Variants in FRYL observed in about 807,000 individuals in gnomAD.
FRYL encodes the protein FRY like transcription coactivator.
In FRYL, 150 loss-of-function variants were observed where a neutral mutation model predicts 351.2. The observed-to-expected ratio is 0.43, with a 90% CI of 0.37 to 0.49. The LOEUF (loss-of-function observed/expected upper bound fraction) is 0.49. Ranked by LOEUF, FRYL falls within the 20% of genes least tolerant of loss-of-function variation. The probability of loss-of-function intolerance (pLI) is 0.00; values close to 1 mark genes in which losing one functional copy is unlikely to be tolerated. For missense variants in FRYL, 3,036 were observed against 3,619.3 expected (o/e 0.84, Z 4.13); for synonymous variants, 1,153 against 1,257.1 (o/e 0.92, Z 1.75).
At position 48,508,496 on chromosome 4, in the gene FRYL, A is replaced by ATATT. The variant is rs576455072; in HGVS notation, c.8394+1559_8394+1562dup. On this transcript the variant is annotated intron_variant, in intron 59 of 63. Transcript: ENST00000358350. ...AGACAGATTTATTTGTAGGTATTTG[A>ATATT]TATTTTCCTATTATAAATGGTATCT... 7.2e-5 allele frequency among the ~76,000 whole-genome samples: 11 copies of ATATT among 152,282 alleles called. No homozygotes were observed. In the East Asian group the frequency reaches 2.1e-3, roughly 29 times the overall value.
chr4:48,723,940 A>AAATAAT (rs35636867), intron 1 of FRYL, among the ~76,000 whole-genome samples: 1,405 of 140,338 alleles, frequency 0.01, 7 homozygotes, highest in South Asian at 0.038. Context: ...AAAATAAATA[A>AAATAAT]AATAATAATA....
At chr4:48,632,507 C>T (rs1175604309) in intron 4 of FRYL, among the ~76,000 whole-genome samples, 1 of 150,406 alleles carries the variant, frequency 6.6e-6, no homozygotes, top group East Asian at 1.9e-4. Context: ...ATGCTATAGG[C>T]TTTTGTAATC....
chr4:48,670,818 G>A (rs1762530721), intron 3 of FRYL, among the ~76,000 whole-genome samples: 1 of 152,138 alleles, frequency 6.6e-6, no homozygotes, highest in Non-Finnish European at 1.5e-5. Flanking sequence ...CTGTGTGTAT[G>A]TACCACATTT....
chr4:48,556,221 T>C (rs1734094452), intron 35 of FRYL, among the ~76,000 whole-genome samples: 2 of 152,322 alleles, frequency 1.3e-5, no homozygotes. Context: ...TAACATTCTG[T>C]AGGACTAGTC....
chr4:48,677,514 G>A (rs1359393497), intron 3 of FRYL, among the ~76,000 whole-genome samples: 3 of 151,900 alleles, frequency 2.0e-5, no homozygotes, highest in East Asian at 1.9e-4. Flanking sequence ...GGGTTCAAGC[G>A]ATTCTCCTGC....
chr4:48,510,412 G>A (rs1415350332), intron 58 of FRYL, among the ~76,000 whole-genome samples: 1 of 152,106 alleles, frequency 6.6e-6, no homozygotes, highest in African/African-American at 2.4e-5. Context: ...ATACCTCAAA[G>A]GTATCAACCT....
chr4:48,580,420 G>A (rs1740637093), intron 22 of FRYL: 1 of 157,818 alleles, frequency 6.3e-6, no homozygotes, highest in African/African-American at 2.4e-5. Context: ...AAAACACTAT[G>A]TACTTAATCC....
In FRYL at chr4:48,567,259, T is replaced by C. The variant is rs1401730534; in HGVS notation, c.3158A>G (p.Gln1053Arg). The change falls in exon 28 of 64, where the codon CAG (glutamine) becomes CGG (arginine). Residue 1053 changes from glutamine (Q) to arginine (R), a missense_variant. By Grantham distance (43) the Gln-to-Arg change is conservative. Coordinates refer to ENST00000358350, the MANE Select transcript of FRYL (RefSeq NM_015030.2). The surrounding 1 kb of genome is among the most constrained non-coding windows in gnomAD (Gnocchi z 4.2). ...ACTGAAAATAATACCTGGAACATTC[T>C]GAATAATATTCGCCACTAAGGCACT... ...HFSALVANIIQNVPVHQRRSI... is the reference protein window; with the variant it reads ...HFSALVANIIRNVPVHQRRSI... 6.2e-7 allele frequency: 1 copy of C among 1,607,454 alleles called. No individual in the cohort carries two copies. Among genetic ancestry groups the C allele is most frequent in the Non-Finnish European group, 8.5e-7 (1 of 1,177,990 alleles).
chr4:48,623,268 T>G, intron 4 of FRYL, 89 bp from the exon 5 acceptor site: 1 of 800,090 alleles, frequency 1.2e-6, no homozygotes, highest in Non-Finnish European at 1.9e-6. Context: ...CAGTTTAGAT[T>G]TGTGCGTTTG....
chr4:48,667,435 CT>C lies in FRYL; in HGVS notation c.-81+17237del, dbSNP rs536377267. On this transcript the variant is annotated intron_variant, in intron 3 of 63. Coordinates refer to ENST00000358350, the MANE Select transcript of FRYL (RefSeq NM_015030.2). Reference sequence around the variant, plus strand: ...AGAATCACAGAACCCCACCCCCTCGCTTTTTTTTTTTTGAACTGGAGAGATT... The same window carrying C: ...AGAATCACAGAACCCCACCCCCTCGCTTTTTTTTTTTGAACTGGAGAGATT... Among the ~76,000 whole-genome samples, 661 of 143,104 alleles carry C rather than the reference CT, an allele frequency of 4.6e-3. 2 individuals carry two copies. Among genetic ancestry groups the C allele is most frequent in the South Asian group, 0.012 (56 of 4,482 alleles). The allele number at this position is 143,104 out of a possible 152,430, so 93.9% of individuals were successfully genotyped here.
Position 48,515,295 on chromosome 4 carries a change from T to C in FRYL, c.7690-20A>G, listed in dbSNP as rs546184717. ...TGTATCCTACAAAACAATCATAGTT[T>C]TAGTGAACTATAAACACATAAAAAA... On this transcript the variant is annotated intron_variant, in intron 55 of 63. Transcript: ENST00000358350. 8 of 1,560,862 alleles carry C rather than the reference T, an allele frequency of 5.1e-6. No individual in the cohort carries two copies. The East Asian group carries it at 1.6e-4, about 31-fold the overall frequency.
At chr4:48,506,617 TATATATATATA>T (rs1721037336) in intron 59 of FRYL, 1 of 2,142 alleles carries the variant, frequency 4.7e-4, no homozygotes, top group South Asian at 7.1e-3. Flanking sequence ...ATACAACTAA[TATATATATATA>T]TATATATATA....
At chr4:48,603,830 C>T (rs142659324) in intron 11 of FRYL, among the ~76,000 whole-genome samples, 1 of 152,266 alleles carries the variant, frequency 6.6e-6, no homozygotes, top group Non-Finnish European at 1.5e-5. Context: ...GTTCCTAGAA[C>T]GCATCAAAGA....
chr4:48,590,929 G>T, intron 16 of FRYL, 99 bp from the exon 17 acceptor site: 2 of 794,520 alleles, frequency 2.5e-6, no homozygotes, highest in South Asian at 4.0e-5. Context: ...GTTGGGGGGT[G>T]GAAGGAAGGA....
intron 3 of FRYL, among the ~76,000 whole-genome samples, chr4:48,663,119 T>G (rs1404407294): frequency 1.3e-5 from 2 of 152,024 alleles, no homozygotes; most frequent in African/African-American, 4.8e-5. Flanking sequence ...AATTAACTAT[T>G]TAAAGTAAAA....
chr4:48,501,774 T>C (rs1331902607), intron 61 of FRYL, 41 bp from the exon 62 acceptor site: 2 of 1,113,954 alleles, frequency 1.8e-6, no homozygotes, highest in Non-Finnish European at 2.7e-6. Flanking sequence ...GGTGTTATTT[T>C]CTAGACAGCA....
intron 25 of FRYL, among the ~76,000 whole-genome samples, chr4:48,573,845 C>A (rs1457342442): frequency 6.6e-6 from 1 of 152,208 alleles, no homozygotes; most frequent in African/African-American, 2.4e-5. Context: ...GCCACCGCGC[C>A]TGGCCTATTT....
At chr4:48,720,263 C>T (rs1360563212) in intron 1 of FRYL, among the ~76,000 whole-genome samples, 3 of 151,916 alleles carry the variant, frequency 2.0e-5, no homozygotes, top group East Asian at 1.9e-4. Context: ...TTTGCGAGGC[C>T]GAGGTGGGGA....
Position 48,619,277 on chromosome 4 carries a change from C to T in FRYL, c.408G>A (p.Lys136=). The T allele has an allele frequency of 6.3e-7, 1 of 1,595,412 alleles. No homozygotes were observed. The highest frequency in any genetic ancestry group is 8.6e-7 in the Non-Finnish European group (1 of 1,164,680). ...IFCLVLVEVL[K]QIPVHPVPDP... ...TTGCAGAAATAAAAGAGCTTACCTG[C>T]TTTAGAACTTCAACTAAAACTAAAC... Residue 136 remains lysine (K), a synonymous_variant, in exon 7 of 64, where the codon AAG becomes AAA. Coordinates refer to ENST00000358350, the MANE Select transcript of FRYL (RefSeq NM_015030.2).
Sources: gnomAD v4.1 joint callset for allele counts (sites outside exome capture counted in the v4.1 genomes callset) on GRCh38, gnomAD v4.1.1 for gene constraint, Gnocchi (gnomAD v3.1) non-coding constraint, MANE v1.5 for transcripts, NCBI Gene and HGNC (gene_info 2026-07-23, HGNC 2026-07-21) for gene names.